Variants in MEGF10 observed in about 807,000 individuals in gnomAD.
MEGF10 encodes the protein multiple EGF like domains 10.
A neutral mutation model predicts 147.5 loss-of-function variants in MEGF10; 86 were observed. The observed-to-expected ratio is 0.58, with a 90% CI of 0.49 to 0.70. The LOEUF is 0.70. Among genes scored for constraint, MEGF10 ranks in the 30% least tolerant of loss-of-function variants. The pLI, the probability that MEGF10 is intolerant of heterozygous loss-of-function variation, is 0.00. For missense variants in MEGF10, 1,329 were observed against 1,487.3 expected, an observed-to-expected ratio of 0.89 and a Z score of 1.75; for synonymous variants, 478 against 525.5, an observed-to-expected ratio of 0.91 and a Z score of 1.24.
In MEGF10 at chr5:127,361,588, G is replaced by C. The variant is rs530874880; in HGVS notation, c.320-8322G>C. 2.0e-3 allele frequency among the ~76,000 whole-genome samples: 310 copies of C among 151,606 alleles called. 3 individuals carry two copies. The Middle Eastern group carries it at 0.024, about 12-fold the overall frequency. ...TTCACTGGGGTTTAATTTGATCTTT[G>C]TTTTCTAGTTTCTTAAGGTGGAAGC... On this transcript the variant is annotated intron_variant, in intron 4 of 24. Coordinates refer to ENST00000503335, the MANE Select transcript of MEGF10 (RefSeq NM_001256545.2).
At position 127,442,386 on chromosome 5, in the gene MEGF10, T is replaced by C. The variant is rs546425387; in HGVS notation, c.2363-612T>C. Among the ~76,000 whole-genome samples the C allele has an allele frequency of 8.7e-4, 132 of 152,312 alleles. 1 individual carries two copies. Among genetic ancestry groups the C allele is most frequent in the Non-Finnish European group, 1.4e-3 (95 of 68,030 alleles). ...CTATCCTTTGAAATTCATGCCTAAC[T>C]CTTATTAAGACCGCATAGTAAGAAT... On this transcript the variant is annotated intron_variant, in intron 18 of 24. Transcript: ENST00000503335.
In MEGF10 at chr5:127,348,959, G is replaced by A. The variant is rs187098022; in HGVS notation, c.319+8329G>A. ...AAATGTTAAAATATAGGCTGGATGC[G>A]GTGGCTCACGCCTGTAATTCCAGCG... is the stretch of plus-strand genomic sequence containing the variant. On this transcript the variant is annotated intron_variant, in intron 4 of 24. Transcript: ENST00000503335. Among the ~76,000 whole-genome samples the A allele has an allele frequency of 4.1e-3, 629 of 152,120 alleles. 4 individuals are homozygous for A. Among genetic ancestry groups the A allele is most frequent in the Non-Finnish European group, 6.4e-3 (432 of 67,988 alleles).
intron 5 of MEGF10, among the ~76,000 whole-genome samples, chr5:127,378,778 C>T (rs916049670): frequency 6.6e-6 from 1 of 152,254 alleles, no homozygotes; most frequent in Non-Finnish European, 1.5e-5. Context: ...TAAATGGAGG[C>T]TCTCTTTGTC....
At chr5:127,433,305 A>T (rs1360017268) in intron 13 of MEGF10, 58 bp from the exon 14 acceptor site, 2 of 1,607,948 alleles carry the variant, frequency 1.2e-6, no homozygotes, top group Non-Finnish European at 1.7e-6. Context: ...ATGAATTAGC[A>T]TCTGCGGAAA....
chr5:127,424,338 G>A (rs890887889), intron 13 of MEGF10: 1 of 709,622 alleles, frequency 1.4e-6, no homozygotes, highest in Non-Finnish European at 2.6e-6. Context: ...TTCTTTTTCA[G>A]GATTGTTTTG....
chr5:127,403,564 A>C (rs1248960607), intron 8 of MEGF10, among the ~76,000 whole-genome samples: 1 of 152,120 alleles, frequency 6.6e-6, no homozygotes, highest in Non-Finnish European at 1.5e-5. Flanking sequence ...TGTACCCATT[A>C]ACCATCCCCA....
chr5:127,406,313 A>G (rs1764318667), intron 8 of MEGF10, among the ~76,000 whole-genome samples: 1 of 152,230 alleles, frequency 6.6e-6, no homozygotes, highest in South Asian at 2.1e-4. Flanking sequence ...AGGGAAGTAA[A>G]GAGAGAACTT....
chr5:127,408,742 C>T (rs976147440), intron 8 of MEGF10, among the ~76,000 whole-genome samples: 2 of 152,108 alleles, frequency 1.3e-5, no homozygotes, highest in South Asian at 4.2e-4. Flanking sequence ...TTCCTTGTCT[C>T]CATCACATTA....
intron 12 of MEGF10, among the ~76,000 whole-genome samples, 195 bp from the exon 13 acceptor site, chr5:127,422,475 C>T (rs1056807366): frequency 1.4e-4 from 21 of 152,090 alleles, no homozygotes; most frequent in Non-Finnish European, 2.8e-4. Flanking sequence ...AATCACACCA[C>T]TGCACTCCAG....
In MEGF10 at chr5:127,316,697, C is replaced by T. The variant is rs1055068212; in HGVS notation, c.-18-14594C>T. Among the ~76,000 whole-genome samples, 9 of 152,146 alleles carry T rather than the reference C, an allele frequency of 5.9e-5. No homozygotes were observed. The East Asian group carries it at 1.5e-3, about 26-fold the overall frequency. ...AGCTTTATTTTTCCTGTGGGCCATA[C>T]ATTCATTCAAGAATACCAAGAACAT... On this transcript the variant is annotated intron_variant, in intron 1 of 24. Coordinates refer to ENST00000503335, the MANE Select transcript of MEGF10 (RefSeq NM_001256545.2).
At position 127,374,093 on chromosome 5, in the gene MEGF10, C is replaced by T. The variant is rs932801870; in HGVS notation, c.412+4091C>T. Among the ~76,000 whole-genome samples, 9 of 152,314 alleles carry T rather than the reference C, an allele frequency of 5.9e-5. No individual in the cohort carries two copies. In the South Asian group the frequency reaches 6.2e-4, roughly 11 times the overall value. On this transcript the variant is annotated intron_variant, in intron 5 of 24. Transcript: ENST00000503335. The stretch of plus-strand genomic sequence containing the variant: ...GGAGCGGTATGCTAGAGAAGCTGTC[C>T]GTGCTGCAAGAGCTTGGTTCTGGAT...
At chr5:127,439,136 G>A (rs890260230) in intron 17 of MEGF10, among the ~76,000 whole-genome samples, 4 of 152,164 alleles carry the variant, frequency 2.6e-5, no homozygotes, top group Admixed American at 2.6e-4. Context: ...TGCTTTGAGA[G>A]CCACTGCCCT....
rs191562891 is a variant in MEGF10, at chr5:127,355,836, A to G, written c.320-14074A>G. On this transcript the variant is annotated intron_variant, in intron 4 of 24. Coordinates refer to ENST00000503335, the MANE Select transcript of MEGF10 (RefSeq NM_001256545.2). Reference sequence around the variant, plus strand: ...GCCTCAATCTAAACAGAAGGAGATCATATCTGCTGCCTATTTTTTTTTTTC... The same window carrying G: ...GCCTCAATCTAAACAGAAGGAGATCGTATCTGCTGCCTATTTTTTTTTTTC... Among the ~76,000 whole-genome samples the G allele has an allele frequency of 3.4e-4, 52 of 152,020 alleles. No individual in the cohort carries two copies. In the South Asian group the frequency reaches 6.4e-3, roughly 19 times the overall value.
chr5:127,325,311 C>T (rs1358263539), intron 1 of MEGF10, among the ~76,000 whole-genome samples: 3 of 152,238 alleles, frequency 2.0e-5, no homozygotes, highest in Admixed American at 6.5e-5. Context: ...CTATTATGGG[C>T]AGAGACTGTG....
chr5:127,397,196 G>C (rs1031788005), intron 6 of MEGF10, among the ~76,000 whole-genome samples: 10 of 152,210 alleles, frequency 6.6e-5, no homozygotes, highest in African/African-American at 2.4e-4. Context: ...GCTGGGGAAA[G>C]CTGGGTGGGT....
the MEGF10 span, among the ~76,000 whole-genome samples, chr5:127,245,831 G>T: frequency 6.6e-6 from 1 of 152,258 alleles, no homozygotes; most frequent in Admixed American, 6.5e-5. Flanking sequence ...AGACATTTAT[G>T]CAGCCAACAA....
chr5:127,400,306 T>C (rs1764076798), intron 7 of MEGF10, among the ~76,000 whole-genome samples: 1 of 152,130 alleles, frequency 6.6e-6, no homozygotes, highest in Non-Finnish European at 1.5e-5. Flanking sequence ...GAAGACAAGG[T>C]GAAAAAGAAG....
At chr5:127,398,833 A>T in intron 7 of MEGF10, 37 bp downstream of exon 7, 1 of 1,612,418 alleles carries the variant, frequency 6.2e-7, no homozygotes, top group Non-Finnish European at 8.5e-7. Flanking sequence ...CCCTGCCCCA[A>T]AGTCACCCAT....
chr5:127,289,786 A>G (rs965962293), upstream of MEGF10, among the ~76,000 whole-genome samples: 1 of 152,202 alleles, frequency 6.6e-6, no homozygotes, highest in African/African-American at 2.4e-5. Context: ...CTAAAAAGAA[A>G]GAGTTCTTAT....
Sources: allele counts gnomAD v4.1 joint callset (sites outside exome capture counted in the v4.1 genomes callset), GRCh38; gene constraint gnomAD v4.1.1; transcripts MANE v1.5; gene names NCBI Gene and HGNC (gene_info 2026-07-23, HGNC 2026-07-21).